COL4A2: variants seen among roughly 807,000 people sequenced by gnomAD.
COL4A2 encodes the protein collagen type IV alpha 2 chain, also known as collagen alpha-2(IV) chain.
A neutral mutation model predicts 200.2 loss-of-function variants in COL4A2; 99 were observed. The observed-to-expected ratio is 0.49, with a 90% CI of 0.42 to 0.58. The LOEUF is 0.58. Among genes scored for constraint, COL4A2 ranks in the 20% least tolerant of loss-of-function variants. The pLI is 0.00. For missense variants in COL4A2, 1,950 were observed against 2,314.1 expected, an observed-to-expected ratio of 0.84 and a Z score of 3.23; for synonymous variants, 897 against 900.6, an observed-to-expected ratio of 1.00 and a Z score of 0.07.
At chr13:110,426,737 G>A (rs189863815) in intron 6 of COL4A2, among the ~76,000 whole-genome samples, 1 of 152,330 alleles carries the variant, frequency 6.6e-6, no homozygotes, top group East Asian at 1.9e-4. Context: ...TTCTAAGCAA[G>A]TAAGAAAGAC....
intron 4 of COL4A2, among the ~76,000 whole-genome samples, chr13:110,403,470 G>A (rs1879448687): frequency 6.6e-6 from 1 of 152,172 alleles, no homozygotes; most frequent in Non-Finnish European, 1.5e-5. Context: ...TGACAAGGAT[G>A]GCCTTCCCTT....
intron 4 of COL4A2, among the ~76,000 whole-genome samples, chr13:110,379,765 C>A (rs181627573): frequency 6.6e-6 from 1 of 152,316 alleles, no homozygotes; most frequent in East Asian, 1.9e-4. Flanking sequence ...GCCCCCCACT[C>A]CCTAGGTGGC....
intron 4 of COL4A2, among the ~76,000 whole-genome samples, chr13:110,358,816 C>G (rs907280131): frequency 2.0e-5 from 3 of 152,174 alleles, no homozygotes; most frequent in Admixed American, 6.5e-5. Flanking sequence ...TCCACTAGAA[C>G]AAACAATAAT....
intron 32 of COL4A2, among the ~76,000 whole-genome samples, chr13:110,483,048 C>T (rs1882987912): frequency 6.6e-6 from 1 of 152,146 alleles, no homozygotes; most frequent in Non-Finnish European, 1.5e-5. Context: ...CACAGCTTTC[C>T]AGGTGGAAGG....
chr13:110,387,961 C>T (rs1594185661), intron 4 of COL4A2, among the ~76,000 whole-genome samples: 2 of 152,218 alleles, frequency 1.3e-5, no homozygotes, highest in Admixed American at 6.5e-5. Flanking sequence ...GCCTGCTCTT[C>T]TTACCTGCAG....
At chr13:110,316,716 A>G (rs1334005219) in intron 3 of COL4A2, among the ~76,000 whole-genome samples, 1 of 152,196 alleles carries the variant, frequency 6.6e-6, no homozygotes, top group Non-Finnish European at 1.5e-5. Flanking sequence ...CAGATGGGTA[A>G]ACTGAGGCAT....
chr13:110,316,051 T>A (rs2139345293), intron 3 of COL4A2, among the ~76,000 whole-genome samples: 1 of 152,336 alleles, frequency 6.6e-6, no homozygotes, highest in Non-Finnish European at 1.5e-5. Context: ...TGGATCAGTC[T>A]GAAAGATTTG....
At chr13:110,391,387 G>GCC (rs1162599652) in intron 4 of COL4A2, among the ~76,000 whole-genome samples, 10 of 152,342 alleles carry the variant, frequency 6.6e-5, no homozygotes, top group Non-Finnish European at 1.2e-4. Flanking sequence ...TTGGTCATTT[G>GCC]TGAGGAGTCC....
intron 13 of COL4A2, among the ~76,000 whole-genome samples, chr13:110,437,186 A>G (rs923599349): frequency 4.6e-5 from 7 of 152,226 alleles, no homozygotes; most frequent in Non-Finnish European, 8.8e-5. Context: ...AGGCAGGACC[A>G]CTGCCTTGTG....
chr13:110,433,087 T>G (rs557174171), intron 11 of COL4A2, among the ~76,000 whole-genome samples: 1 of 152,388 alleles, frequency 6.6e-6, no homozygotes, highest in South Asian at 2.1e-4. Flanking sequence ...TGTGTCCCGA[T>G]GGAGGACGTG....
chr13:110,377,231 C>T (rs940826049), intron 4 of COL4A2, among the ~76,000 whole-genome samples: 1 of 152,164 alleles, frequency 6.6e-6, no homozygotes, highest in African/African-American at 2.4e-5. Flanking sequence ...TTGGTTAGGA[C>T]ATCTGCATTC....
intron 24 of COL4A2, among the ~76,000 whole-genome samples, chr13:110,464,798 G>A (rs898649344): frequency 2.0e-5 from 3 of 152,236 alleles, no homozygotes; most frequent in Non-Finnish European, 2.9e-5. Flanking sequence ...TGGTGTGTGC[G>A]CAGATCACAC....
intron 16 of COL4A2, among the ~76,000 whole-genome samples, chr13:110,445,619 T>C: frequency 6.6e-6 from 1 of 152,238 alleles, no homozygotes; most frequent in Non-Finnish European, 1.5e-5. Flanking sequence ...CCAAGTGTTA[T>C]ATTTGGACTT....
intron 27 of COL4A2, 96 bp downstream of exon 27, chr13:110,467,192 C>A: frequency 1.3e-6 from 2 of 1,495,704 alleles, no homozygotes; most frequent in Non-Finnish European, 1.8e-6. Context: ...GGTCCTGCAT[C>A]CCCCACCCCA....
intron 16 of COL4A2, among the ~76,000 whole-genome samples, chr13:110,444,104 G>A (rs2139474270): frequency 6.6e-6 from 1 of 152,306 alleles, no homozygotes. Context: ...AGCTGCCTCA[G>A]AGGAATCCTG....
chr13:110,473,158 C>T lies in COL4A2; in HGVS notation c.2425+8C>T. On this transcript the variant is annotated splice_region_variant and intron_variant, in intron 29 of 47. Coordinates refer to ENST00000360467, the MANE Select transcript of COL4A2 (RefSeq NM_001846.4). ...GCCCCCCTGGATTCAGAGGTGAGTGCCCCATCGGGGAGCCGGGGGCCCCAT... is the reference window on the plus strand; with the variant it reads ...GCCCCCCTGGATTCAGAGGTGAGTGTCCCATCGGGGAGCCGGGGGCCCCAT... 1.3e-6 allele frequency: 2 copies of T among 1,550,640 alleles called. No homozygotes were observed. The highest frequency in any genetic ancestry group is 8.7e-7 in the Non-Finnish European group (1 of 1,147,390).
At chr13:110,338,044 T>A (rs941752638) in intron 3 of COL4A2, among the ~76,000 whole-genome samples, 1 of 152,192 alleles carries the variant, frequency 6.6e-6, no homozygotes, top group Non-Finnish European at 1.5e-5. Context: ...AAGGAACCAT[T>A]TATGCCACCG....
chr13:110,509,270 T>TATATATATATATATATAC (rs1435137108), intron 47 of COL4A2, among the ~76,000 whole-genome samples: 2 of 115,600 alleles, frequency 1.7e-5, no homozygotes, highest in East Asian at 2.8e-4. Context: ...TATATATATA[T>TATATATATATATATATAC]ACACACACAC....
chr13:110,503,822 TG>T, intron 43 of COL4A2, 24 bp from the exon 44 acceptor site: 1 of 1,613,750 alleles, frequency 6.2e-7, no homozygotes, highest in Non-Finnish European at 8.5e-7. Flanking sequence ...GTGTGTTTAC[TG>T]GGGCCTCTCT....
Sources: allele counts gnomAD v4.1 joint callset (sites outside exome capture counted in the v4.1 genomes callset), GRCh38; gene constraint gnomAD v4.1.1; transcripts MANE v1.5; gene names NCBI Gene and HGNC (gene_info 2026-07-23, HGNC 2026-07-21).